PCSK1: variants seen among roughly 807,000 people sequenced by gnomAD.
PCSK1 encodes neuroendocrine convertase 1.
A neutral mutation model predicts 90.6 loss-of-function variants in PCSK1; 56 were observed. The ratio of observed to expected loss-of-function variants is 0.62; its 90% CI spans 0.50 to 0.77. PCSK1 has a LOEUF of 0.77. Ranked by LOEUF, PCSK1 falls within the 30% of genes least tolerant of loss-of-function variation. The probability of loss-of-function intolerance (pLI) is 0.00; values close to 1 mark genes in which losing one functional copy is unlikely to be tolerated. For missense variants in PCSK1, 801 were observed against 932.6 expected (o/e 0.86, Z 1.84); for synonymous variants, 348 against 342.4 (o/e 1.02, Z -0.18).
chr5:96,393,345 T>C lies in PCSK1; in HGVS notation c.1918A>G (p.Thr640Ala), dbSNP rs139453594. The C allele has an allele frequency of 2.3e-3, 3,674 of 1,614,020 alleles. 4 individuals carry two copies. The highest frequency in any genetic ancestry group is 2.7e-3 in the Admixed American group (163 of 60,010). ...QPTQENPKEN[T>A]LVSKSPSSSS... ...CTGCTGGGGCTTTTGGACACCAGGG[T>C]GTTCTCCTTAGGGTTCTCTTGTGTG... The change falls in exon 14 of 14, where the codon ACC becomes GCC. Residue 640 changes from threonine (T) to alanine (A), a missense_variant. Transcript: ENST00000311106.
At chr5:96,393,463 G>A (rs948052000) in intron 13 of PCSK1, 85 bp from the exon 14 acceptor site, 16 of 1,475,774 alleles carry the variant, frequency 1.1e-5, no homozygotes, top group Middle Eastern at 2.4e-4. Flanking sequence ...CCACAGGAAC[G>A]CTGCCTGCCG....
chr5:96,412,897 T>A, intron 6 of PCSK1: 4 of 141,912 alleles, frequency 2.8e-5, no homozygotes, highest in African/African-American at 4.8e-5. Context: ...TTGCCCTCCC[T>A]CCCACCCCAA....
At position 96,400,086 on chromosome 5, in the gene PCSK1, A is replaced by G; in HGVS notation, c.1297T>C (p.Leu433=). Reference sequence around the variant, plus strand: ...AATCCAAATCGACTATTCACCATCAAGCCTGCTCCATTCTTTTTCCATCCA... The same window carrying G: ...AATCCAAATCGACTATTCACCATCAGGCCTGCTCCATTCTTTTTCCATCCA... ...NPGWKKNGAG[L]MVNSRFGFGL... The change falls in exon 10 of 14, where the codon TTG becomes CTG. Residue 433 remains leucine (L), a synonymous_variant. Transcript: ENST00000311106. 1.2e-6 allele frequency: 2 copies of G among 1,614,154 alleles called. No homozygotes were observed. Among genetic ancestry groups the G allele is most frequent in the Non-Finnish European group, 1.7e-6 (2 of 1,180,010 alleles).
intron 5 of PCSK1, among the ~76,000 whole-genome samples, chr5:96,417,604 A>C (rs947960513): frequency 7.9e-5 from 12 of 152,106 alleles, no homozygotes; most frequent in Admixed American, 1.3e-4. Flanking sequence ...AGAGGCGAGC[A>C]GCACTAGAGA....
At chr5:96,394,441 T>C (rs1043658037) in intron 13 of PCSK1, among the ~76,000 whole-genome samples, 1 of 152,248 alleles carries the variant, frequency 6.6e-6, no homozygotes, top group African/African-American at 2.4e-5. Flanking sequence ...ATTTGAGCCT[T>C]GTTTTTCTTT....
intron 5 of PCSK1, among the ~76,000 whole-genome samples, chr5:96,416,983 T>C (rs1424800021): frequency 2.6e-5 from 4 of 152,202 alleles, no homozygotes; most frequent in Non-Finnish European, 2.9e-5. Context: ...ATTCATTTAT[T>C]TCGTGATTTT....
At chr5:96,416,469 C>T (rs889240964) in intron 5 of PCSK1, among the ~76,000 whole-genome samples, 1 of 152,206 alleles carries the variant, frequency 6.6e-6, no homozygotes. Context: ...ACTATTGATA[C>T]TATTATAAGA....
intron 3 of PCSK1, 31 bp downstream of exon 3, chr5:96,425,789 C>CCACCCACA: frequency 6.6e-6 from 8 of 1,210,054 alleles, no homozygotes; most frequent in Non-Finnish European, 9.9e-6. Flanking sequence ...GTCCCAGGTC[C>CCACCCACA]CACCCACATA....
At chr5:96,414,241 A>G (rs1259102493) in intron 6 of PCSK1, among the ~76,000 whole-genome samples, 2 of 152,028 alleles carry the variant, frequency 1.3e-5, no homozygotes, top group Admixed American at 1.3e-4. Context: ...TAAAATAGGG[A>G]TGATAATAAC....
In PCSK1 at chr5:96,390,752, CTT is replaced by C. The variant is rs1265954637; in HGVS notation, c.*2247_*2248del. The stretch of plus-strand genomic sequence containing the variant: ...AAGGGAAATAGTATATAAGTTTTCT[CTT>C]TGACATTTTCACAAAAATCCACACA... On this transcript the variant is annotated 3_prime_UTR_variant, in exon 14 of 14. Transcript: ENST00000311106. 1.3e-5 allele frequency: 2 copies of C among 152,556 alleles called. No individual in the cohort carries two copies. Among genetic ancestry groups the C allele is most frequent in the African/African-American group, 4.8e-5 (2 of 41,446 alleles). The allele number at this position is 152,556 out of a possible 1,614,324, so 9.5% of individuals were successfully genotyped here.
At chr5:96,418,845 A>G (rs1761018665) in intron 5 of PCSK1, among the ~76,000 whole-genome samples, 1 of 152,184 alleles carries the variant, frequency 6.6e-6, no homozygotes, top group East Asian at 1.9e-4. Context: ...CAAATAGCAG[A>G]TTCTGAATTG....
chr5:96,401,375 G>T (rs931895588), intron 9 of PCSK1, among the ~76,000 whole-genome samples: 1 of 152,192 alleles, frequency 6.6e-6, no homozygotes, highest in African/African-American at 2.4e-5. Context: ...ATGACAGCCT[G>T]GTTTGCTGGG....
chr5:96,423,908 A>C (rs459608), intron 3 of PCSK1, among the ~76,000 whole-genome samples: 108,105 of 152,114 alleles, frequency 0.71, 39,496 homozygotes, highest in African/African-American at 0.89. Flanking sequence ...TAGAATTTTT[A>C]TTCTAAAGGA....
Position 96,429,225 on chromosome 5 carries a change from A to G in PCSK1, c.273T>C (p.Ser91=), listed in dbSNP as rs1191637725. 6.6e-7 allele frequency: 1 copy of G among 1,520,526 alleles called. No homozygotes were observed. The highest frequency in any genetic ancestry group is 1.7e-5 in the Admixed American group (1 of 59,920). The allele number at this position is 1,520,526 out of a possible 1,614,324, so 94.2% of individuals were successfully genotyped here. The change falls in exon 2 of 14, where the codon TCT becomes TCC. Residue 91 remains serine (S), a synonymous_variant. Transcript: ENST00000311106. ...GTACAACACTTACACGATCATCATC[A>G]GATAATCTCTTAGTGATATGAAAGG... is the stretch of plus-strand genomic sequence containing the variant. ...RSAFHITKRL[S]DDDRVIWAEQ... is the part of the protein sequence containing the mutation.
chr5:96,397,478 C>T lies in PCSK1; in HGVS notation c.1589-9G>A, dbSNP rs761070031. 22 of 1,610,772 alleles carry T rather than the reference C, an allele frequency of 1.4e-5. 1 individual carries two copies. The South Asian group carries it at 2.2e-4, about 16-fold the overall frequency. ...GAGCACAGTGCTAGTTCCTATGAAA[C>T]AAATACAAGTTAATGAATGTCCTAA... On this transcript the variant is annotated splice_polypyrimidine_tract_variant and intron_variant, in intron 11 of 13. Coordinates refer to ENST00000311106, the MANE Select transcript of PCSK1 (RefSeq NM_000439.5).
At chr5:96,432,829 C>A (rs1761548818) in intron 1 of PCSK1, 34 bp downstream of exon 1, 2 of 1,598,294 alleles carry the variant, frequency 1.3e-6, no homozygotes, top group Non-Finnish European at 1.7e-6. Flanking sequence ...TCCCCTGGGG[C>A]CCCAGAAAGT....
intron 3 of PCSK1, among the ~76,000 whole-genome samples, chr5:96,425,518 G>A (rs948129115): frequency 2.0e-5 from 3 of 152,056 alleles, no homozygotes; most frequent in African/African-American, 7.2e-5. Flanking sequence ...CACAAGTACT[G>A]TTTTTGGAAA....
intron 2 of PCSK1, among the ~76,000 whole-genome samples, chr5:96,427,824 G>A (rs1761361477): frequency 2.0e-5 from 3 of 152,132 alleles, no homozygotes; most frequent in African/African-American, 7.2e-5. Flanking sequence ...TTAGCCCGGG[G>A]ACTAAGCCTA....
intron 5 of PCSK1, 75 bp from the exon 6 acceptor site, chr5:96,416,196 G>A (rs1281972099): frequency 1.0e-6 from 1 of 978,750 alleles, no homozygotes; most frequent in African/African-American, 1.8e-5. Flanking sequence ...TGAATTAATG[G>A]GGCATAGGTA....
Sources: gnomAD v4.1 joint callset for allele counts (sites outside exome capture counted in the v4.1 genomes callset) on GRCh38, gnomAD v4.1.1 for gene constraint, MANE v1.5 for transcripts, NCBI Gene and HGNC (gene_info 2026-07-23, HGNC 2026-07-21) for gene names.